The following SKAP1 variants were observed in gnomAD, a reference collection of about 807,000 sequenced individuals.
The protein encoded by SKAP1 is src kinase associated phosphoprotein 1, also known as src kinase-associated phosphoprotein 1.
Under a neutral mutation model 58.5 loss-of-function variants are expected in SKAP1, and 44 were observed. The ratio of observed to expected loss-of-function variants is 0.75; its 90% CI spans 0.59 to 0.97. The LOEUF is 0.97. Ranked by LOEUF, SKAP1 falls within the 50% of genes least tolerant of loss-of-function variation. The pLI, the probability that SKAP1 is intolerant of heterozygous loss-of-function variation, is 0.00. For synonymous variants in SKAP1, 127 were observed against 149.7 expected (o/e 0.85, Z 1.11); for missense variants, 390 against 435.2 (o/e 0.90, Z 0.92).
intron 9 of SKAP1, among the ~76,000 whole-genome samples, chr17:48,177,034 C>G (rs1196559098): frequency 6.6e-6 from 1 of 152,176 alleles, no homozygotes; most frequent in Non-Finnish European, 1.5e-5. Flanking sequence ...TAGAGGCCCA[C>G]ATCATTTGAC....
intron 4 of SKAP1, among the ~76,000 whole-genome samples, chr17:48,296,883 C>T (rs568607253): frequency 1.5e-3 from 231 of 151,930 alleles, no homozygotes; most frequent in African/African-American, 5.3e-3. Context: ...AAACTGAAGC[C>T]ATTTTTCCTT....
At chr17:48,295,658 A>G (rs1287910951) in intron 4 of SKAP1, 2 of 151,200 alleles carry the variant, frequency 1.3e-5, no homozygotes, top group Non-Finnish European at 3.0e-5. Context: ...TTATGGGTAA[A>G]CATTGCTCTA....
At chr17:48,252,888 A>C (rs2065381802) in intron 4 of SKAP1, among the ~76,000 whole-genome samples, 1 of 152,132 alleles carries the variant, frequency 6.6e-6, no homozygotes, top group South Asian at 2.1e-4. Context: ...CTGCTGCTTT[A>C]TTGCTGGAGT....
chr17:48,224,068 AAGG>A (rs1407926748), intron 4 of SKAP1, among the ~76,000 whole-genome samples: 1 of 19,242 alleles, frequency 5.2e-5, no homozygotes, highest in Non-Finnish European at 9.6e-5. Flanking sequence ...GGAGGAGGAG[AAGG>A]AGGAGGAGGA....
At chr17:48,442,762 C>T in the SKAP1 span, among the ~76,000 whole-genome samples, 4 of 152,152 alleles carry the variant, frequency 2.6e-5, no homozygotes, top group Non-Finnish European at 5.9e-5. Context: ...TCCAAGCCAC[C>T]ATCATCTTCT....
intron 10 of SKAP1, among the ~76,000 whole-genome samples, chr17:48,167,964 G>A (rs182404065): frequency 1.3e-5 from 2 of 152,262 alleles, no homozygotes; most frequent in Admixed American, 6.5e-5. Context: ...AAACTCTGAG[G>A]TGTTGAAGAG....
At chr17:48,234,766 T>C (rs1377201) in intron 4 of SKAP1, among the ~76,000 whole-genome samples, 84,850 of 151,942 alleles carry the variant, frequency 0.56, 24,686 homozygotes, top group East Asian at 0.77. Context: ...CAGAATGTGA[T>C]GAGTAAAAAG....
chr17:48,437,464 C>T, the SKAP1 span, among the ~76,000 whole-genome samples: 3 of 152,026 alleles, frequency 2.0e-5, no homozygotes, highest in Admixed American at 6.6e-5. Context: ...ACAGTTAGGC[C>T]GGGTGTGGTG....
At chr17:48,143,387 T>G (rs1343067430) in intron 11 of SKAP1, among the ~76,000 whole-genome samples, 1 of 151,826 alleles carries the variant, frequency 6.6e-6, no homozygotes, top group Non-Finnish European at 1.5e-5. Context: ...TTGTATTTTT[T>G]TTTTGTAGAG....
chr17:48,258,277 A>T (rs1229184215), intron 4 of SKAP1, among the ~76,000 whole-genome samples: 1 of 152,182 alleles, frequency 6.6e-6, no homozygotes, highest in Non-Finnish European at 1.5e-5. Flanking sequence ...AACAGAGAAG[A>T]TACAAAATAT....
intron 1 of SKAP1, among the ~76,000 whole-genome samples, chr17:48,408,806 C>G (rs907240354): frequency 6.6e-6 from 1 of 152,204 alleles, no homozygotes; most frequent in Non-Finnish European, 1.5e-5. Flanking sequence ...AACTGTAGAC[C>G]AATATACAAT....
intron 4 of SKAP1, among the ~76,000 whole-genome samples, chr17:48,243,058 T>A (rs2143832361): frequency 6.6e-6 from 1 of 152,358 alleles, no homozygotes; most frequent in South Asian, 2.1e-4. Context: ...AATATTTCCA[T>A]TTTGCAAATT....
rs1188149160 is a variant in SKAP1, at chr17:48,137,242, T to A, written c.1074A>T (p.Glu358Asp). ...EYLTTAFEVE[E>D]R ...TGGTTCTGATACCTGGGTTTCATCTTTCTTCCACTTCAAAGGCAGTGGTGA... is the reference window on the plus strand; with the variant it reads ...TGGTTCTGATACCTGGGTTTCATCTATCTTCCACTTCAAAGGCAGTGGTGA... Residue 358 changes from glutamate (E) to aspartate (D), a missense_variant, in exon 12 of 13, where the codon GAA becomes GAT. Coordinates refer to ENST00000336915, the MANE Select transcript of SKAP1 (RefSeq NM_003726.4). 9.9e-6 allele frequency: 16 copies of A among 1,612,412 alleles called. No homozygotes were observed. Among genetic ancestry groups the A allele is most frequent in the African/African-American group, 2.7e-5 (2 of 75,018 alleles).
chr17:48,159,374 G>C (rs909627789), intron 11 of SKAP1, among the ~76,000 whole-genome samples: 2 of 152,164 alleles, frequency 1.3e-5, no homozygotes, highest in African/African-American at 4.8e-5. Context: ...CACTTAAGCT[G>C]AGCTGCACAC....
chr17:48,174,265 G>A (rs780884380), intron 9 of SKAP1, among the ~76,000 whole-genome samples: 2 of 152,166 alleles, frequency 1.3e-5, no homozygotes, highest in African/African-American at 4.8e-5. Flanking sequence ...ATCTAACACC[G>A]TCCTTCCCAG....
At chr17:48,298,597 CT>C (rs1181017443) in intron 4 of SKAP1, among the ~76,000 whole-genome samples, 1 of 152,170 alleles carries the variant, frequency 6.6e-6, no homozygotes, top group Non-Finnish European at 1.5e-5. Flanking sequence ...GAGCAAAAAG[CT>C]CCCTGATGAC....
chr17:48,436,686 T>A, the SKAP1 span, among the ~76,000 whole-genome samples: 6 of 152,076 alleles, frequency 3.9e-5, no homozygotes, highest in African/African-American at 1.4e-4. Context: ...CTCTACCTCC[T>A]CCAACTCTCA....
chr17:48,377,599 AT>A (rs1466915067), intron 2 of SKAP1, among the ~76,000 whole-genome samples: 3 of 151,950 alleles, frequency 2.0e-5, no homozygotes, highest in Non-Finnish European at 4.4e-5. Flanking sequence ...AAAAAATTAA[AT>A]AAAAACATTT....
intron 4 of SKAP1, among the ~76,000 whole-genome samples, chr17:48,313,160 G>A (rs1379793829): frequency 6.7e-6 from 1 of 150,074 alleles, no homozygotes; most frequent in African/African-American, 2.5e-5. Flanking sequence ...GGGGGTGGGA[G>A]GGCGCGGCTG....
Sources: allele counts gnomAD v4.1 joint callset (sites outside exome capture counted in the v4.1 genomes callset), GRCh38; gene constraint gnomAD v4.1.1; transcripts MANE v1.5; gene names NCBI Gene and HGNC (gene_info 2026-07-23, HGNC 2026-07-21).